CD2: variants seen among roughly 807,000 people sequenced by gnomAD.
The protein encoded by CD2 is T-cell surface antigen CD2.
A neutral mutation model predicts 23.2 loss-of-function variants in CD2; 18 were observed. The observed-to-expected ratio is 0.77, with a 90% confidence interval of 0.54 to 1.15. The LOEUF is 1.15. Ranked by LOEUF, CD2 falls within the 50% of genes most tolerant of loss-of-function variation. The probability of loss-of-function intolerance (pLI) is 0.00; values close to 1 mark genes in which losing one functional copy is unlikely to be tolerated. For synonymous variants in CD2, 162 were observed against 151.9 expected (o/e 1.07, Z -0.49); for missense variants, 424 against 423.1 (o/e 1.00, Z -0.02).
intron 4 of CD2, among the ~76,000 whole-genome samples, chr1:116,767,954 G>T (rs1353380140): frequency 6.6e-6 from 1 of 152,176 alleles, no homozygotes; most frequent in Admixed American, 6.5e-5. Flanking sequence ...AAATTTCTAA[G>T]GACAAAAAGT....
At chr1:116,756,366 T>A (rs979239710) in intron 2 of CD2, among the ~76,000 whole-genome samples, 1 of 152,158 alleles carries the variant, frequency 6.6e-6, no homozygotes, top group African/African-American at 2.4e-5. Flanking sequence ...GCGGAAATAA[T>A]GGCTACCAGT....
chr1:116,762,700 C>T (rs1652094991), intron 3 of CD2, among the ~76,000 whole-genome samples: 1 of 152,174 alleles, frequency 6.6e-6, no homozygotes, highest in Admixed American at 6.5e-5. Context: ...ATGTGATCTC[C>T]AAGAGATACT....
At chr1:116,766,076 C>T (rs1259111418) in intron 4 of CD2, among the ~76,000 whole-genome samples, 1 of 152,228 alleles carries the variant, frequency 6.6e-6, no homozygotes, top group Non-Finnish European at 1.5e-5. Context: ...CTGGCCTGCC[C>T]TTGCACAACC....
At chr1:116,755,291 C>T (rs143324006) in intron 2 of CD2, among the ~76,000 whole-genome samples, 5 of 152,250 alleles carry the variant, frequency 3.3e-5, no homozygotes, top group Admixed American at 6.5e-5. Flanking sequence ...GCTGATGAAT[C>T]GGCGAGCTAA....
chr1:116,758,327 C>T (rs1352289536), intron 2 of CD2, among the ~76,000 whole-genome samples: 1 of 152,028 alleles, frequency 6.6e-6, no homozygotes, highest in Non-Finnish European at 1.5e-5. Flanking sequence ...GAGCACAGGC[C>T]AGCCATTCAG....
chr1:116,754,714 C>T lies in CD2; in HGVS notation c.145C>T (p.Gln49Ter), dbSNP rs1287434511. The T allele has an allele frequency of 1.2e-6, 2 of 1,612,856 alleles. No homozygotes were observed. Among genetic ancestry groups the T allele is most frequent in the Non-Finnish European group, 1.7e-6 (2 of 1,179,652 alleles). ...QDINLDIPSF[Q>*]MSDDIDDIKW... ...CATCAACTTGGACATTCCTAGTTTT[C>T]AAATGAGTGATGATATTGACGATAT... The change falls in exon 2 of 5, where the codon CAA (glutamine) becomes TAA (stop). Residue 49 changes from glutamine to a stop codon, truncating the protein, a stop_gained. Transcript: ENST00000369478. LOFTEE classifies it high-confidence loss of function.
Position 116,769,017 on chromosome 1 carries a change from T to C in CD2, c.*234T>C, listed in dbSNP as rs973795964. Reference sequence around the variant, plus strand: ...GTAAGGAGAAGCAATATAAGTGTGATTGCAAGAATGGTAGAGGACCGAGCA... The same window carrying C: ...GTAAGGAGAAGCAATATAAGTGTGACTGCAAGAATGGTAGAGGACCGAGCA... On this transcript the variant is annotated 3_prime_UTR_variant, in exon 5 of 5. Transcript: ENST00000369478. 5.7e-6 allele frequency: 3 copies of C among 522,602 alleles called. No homozygotes were observed. In the African/African-American group the frequency reaches 5.7e-5, roughly 10 times the overall value. 32.4% of individuals were successfully genotyped at this position (522,602 alleles called of 1,614,324 possible).
At chr1:116,755,653 C>T (rs553605098) in intron 2 of CD2, among the ~76,000 whole-genome samples, 43 of 152,022 alleles carry the variant, frequency 2.8e-4, no homozygotes, top group Non-Finnish European at 5.3e-4. Flanking sequence ...TTTTTGCATG[C>T]GGCCTGGGTA....
At chr1:116,763,209 A>G (rs920520415) in intron 3 of CD2, among the ~76,000 whole-genome samples, 3 of 152,224 alleles carry the variant, frequency 2.0e-5, no homozygotes, top group Admixed American at 6.5e-5. Context: ...CAGGCAAAGA[A>G]TGGGTCAGAG....
intron 3 of CD2, among the ~76,000 whole-genome samples, chr1:116,762,517 C>T (rs115467594): frequency 0.011 from 1,681 of 152,044 alleles, 40 homozygotes; most frequent in African/African-American, 0.038. Context: ...CTTGAAGACC[C>T]GAAAAGGGAT....
chr1:116,766,991 G>A (rs116669150), intron 4 of CD2, among the ~76,000 whole-genome samples: 2,201 of 152,328 alleles, frequency 0.014, 60 homozygotes, highest in African/African-American at 0.05. Flanking sequence ...ACTAGGGCCA[G>A]GGGTTAGAGC....
At chr1:116,763,839 G>A (rs887658808) in intron 3 of CD2, among the ~76,000 whole-genome samples, 11 of 152,274 alleles carry the variant, frequency 7.2e-5, no homozygotes, top group Middle Eastern at 3.4e-3. Flanking sequence ...GCCCACTGCT[G>A]TTACTAACGC....
In CD2 at chr1:116,754,522, C is replaced by T; in HGVS notation, c.30C>T (p.Ser10=). The change falls in exon 1 of 5, where the codon AGC becomes AGT. Residue 10 remains serine (S), a synonymous_variant. Coordinates refer to ENST00000369478, the MANE Select transcript of CD2 (RefSeq NM_001767.5). ...GCTTTCCATGTAAATTTGTAGCCAG[C>T]TTCCTTCTGATTTTCAATGTTTCTT... MSFPCKFVA[S]FLLIFNVSSK... is the part of the protein sequence containing the mutation. The T allele has an allele frequency of 6.2e-7, 1 of 1,614,046 alleles. No homozygotes were observed. The highest frequency in any genetic ancestry group is 2.2e-5 in the East Asian group (1 of 44,886).
chr1:116,756,639 T>C (rs1226924457), intron 2 of CD2, among the ~76,000 whole-genome samples: 3 of 152,156 alleles, frequency 2.0e-5, no homozygotes, highest in East Asian at 1.9e-4. Context: ...TATACTAAAA[T>C]GGCCTTCAGT....
Position 116,761,410 on chromosome 1 carries a change from G to A in CD2, c.613+778G>A, listed in dbSNP as rs569075605. On this transcript the variant is annotated intron_variant, in intron 3 of 4. Coordinates refer to ENST00000369478, the MANE Select transcript of CD2 (RefSeq NM_001767.5). ...GCTTCCTGGCCCACAAAGAAAATAA[G>A]CACCATGTTCACAGACTATTAGATG... 5.3e-5 allele frequency among the ~76,000 whole-genome samples: 8 copies of A among 152,230 alleles called. No individual in the cohort carries two copies. The South Asian group carries it at 1.7e-3, about 32-fold the overall frequency.
At chr1:116,755,631 T>C (rs1651817968) in intron 2 of CD2, among the ~76,000 whole-genome samples, 1 of 152,094 alleles carries the variant, frequency 6.6e-6, no homozygotes, top group East Asian at 1.9e-4. Flanking sequence ...GAGGACCAAT[T>C]AAATCAGATT....
chr1:116,755,394 T>C (rs546280765), intron 2 of CD2, among the ~76,000 whole-genome samples: 19 of 152,350 alleles, frequency 1.2e-4, no homozygotes, highest in Non-Finnish European at 1.9e-4. Context: ...GGAGGAGTTA[T>C]ATGGCAGAAA....
intron 2 of CD2, among the ~76,000 whole-genome samples, chr1:116,756,722 G>T (rs954550880): frequency 6.6e-6 from 1 of 152,044 alleles, no homozygotes; most frequent in African/African-American, 2.4e-5. Flanking sequence ...TCACCCTTTA[G>T]CCGAAAGACA....
chr1:116,763,521 A>G (rs544163665), intron 3 of CD2, among the ~76,000 whole-genome samples: 1 of 152,294 alleles, frequency 6.6e-6, no homozygotes, highest in Non-Finnish European at 1.5e-5. Flanking sequence ...GTTGCTGGGA[A>G]ACAGCTCCCA....
Sources: allele counts gnomAD v4.1 joint callset (sites outside exome capture counted in the v4.1 genomes callset), GRCh38; gene constraint gnomAD v4.1.1; transcripts MANE v1.5; gene names NCBI Gene and HGNC (gene_info 2026-07-23, HGNC 2026-07-21).